SAMD11: variants seen among roughly 807,000 people sequenced by gnomAD.
The protein encoded by SAMD11 is sterile alpha motif domain containing 11.
Under a neutral mutation model 64.4 loss-of-function variants are expected in SAMD11, and 77 were observed. The ratio of observed to expected loss-of-function variants is 1.20; its 90% CI spans 0.99 to 1.44. The LOEUF is 1.44. SAMD11 is among the 40% of genes most tolerant of loss of function. The probability of loss-of-function intolerance (pLI) is 0.00; values close to 1 mark genes in which losing one functional copy is unlikely to be tolerated. For missense variants in SAMD11, 1,402 were observed against 943.3 expected (o/e 1.49, Z -6.37); for synonymous variants, 658 against 421.9 (o/e 1.56, Z -6.86).
chr1:931,786 G>A (rs541236246), intron 4 of SAMD11, among the ~76,000 whole-genome samples: 1 of 152,254 alleles, frequency 6.6e-6, no homozygotes, highest in African/African-American at 2.4e-5. Context: ...GTGATTCCAG[G>A]ATGTGGAAAG....
chr1:943,625 C>G (rs1569923216), intron 12 of SAMD11, 73 bp from the exon 13 acceptor site: 10 of 1,421,104 alleles, frequency 7.0e-6, no homozygotes, highest in Non-Finnish European at 8.4e-6. Flanking sequence ...GCACAAACAG[C>G]TCCTCTTGGC....
intron 9 of SAMD11, 38 bp from the exon 10 acceptor site, chr1:942,372 C>T: frequency 7.9e-7 from 1 of 1,264,384 alleles, no homozygotes; most frequent in South Asian, 1.5e-5. Context: ...CGGACCGCCT[C>T]GGACCCCCCG....
Position 939,071 on chromosome 1 carries a change from C to T in SAMD11, c.999C>T (p.Ser333=), listed in dbSNP as rs558594494. ...GDLLGKRLGR[S]PRISSDCFSE... ...TGTTGGGCAAGAGGCTGGGCCGCTC[C>T]CCCCGTATCAGCAGCGACTGCTTTT... Residue 333 remains serine (S), a synonymous_variant, in exon 6 of 14, where the codon TCC becomes TCT. Coordinates refer to ENST00000616016, the MANE Select transcript of SAMD11 (RefSeq NM_001385641.1). 1 of 1,605,852 alleles carries T rather than the reference C, an allele frequency of 6.2e-7. No homozygotes were observed. Among genetic ancestry groups the T allele is most frequent in the African/African-American group, 1.3e-5 (1 of 74,962 alleles).
Position 942,910 on chromosome 1 carries a change from G to A in SAMD11, c.1905G>A (p.Glu635=). 1 of 1,556,148 alleles carries A rather than the reference G, an allele frequency of 6.4e-7. No individual in the cohort carries two copies. The highest frequency in any genetic ancestry group is 1.2e-5 in the South Asian group (1 of 84,596). The part of the protein sequence containing the change: ...EDEPPKDSDG[E]DPETAAVGCR... The stretch of plus-strand genomic sequence containing the variant: ...AGCCCCCCAAAGACTCGGACGGAGA[G>A]GACCCCGAGACGGCAGCTGTTGGGT... The change falls in exon 11 of 14, where the codon GAG becomes GAA. Residue 635 remains glutamate, a synonymous_variant. Transcript: ENST00000616016.
chr1:943,862 C>T (rs761080500), intron 13 of SAMD11, 46 bp from the exon 14 acceptor site: 2 of 1,612,996 alleles, frequency 1.2e-6, no homozygotes, highest in Non-Finnish European at 1.7e-6. Flanking sequence ...GGGCAGAAAG[C>T]TCTGGGTGGG....
chr1:940,887 C>T (rs1191162733), intron 7 of SAMD11, among the ~76,000 whole-genome samples: 1 of 152,224 alleles, frequency 6.6e-6, no homozygotes, highest in Non-Finnish European at 1.5e-5. Flanking sequence ...TCAGCCGCCT[C>T]TCAGGCCGGA....
intron 2 of SAMD11, among the ~76,000 whole-genome samples, chr1:927,079 A>G (rs543017339): frequency 1.4e-3 from 213 of 152,256 alleles, no homozygotes; most frequent in African/African-American, 4.9e-3. Flanking sequence ...GGGCAGGGGA[A>G]GGGGACACAG....
chr1:941,344 G>A (rs1351120666), intron 8 of SAMD11, 38 bp downstream of exon 8: 1 of 1,488,172 alleles, frequency 6.7e-7, no homozygotes, highest in Non-Finnish European at 8.9e-7. Flanking sequence ...TGTTTCTGGG[G>A]TGCCGCCCGC....
At position 942,416 on chromosome 1, in the gene SAMD11, G is replaced by A; in HGVS notation, c.1481G>A (p.Gly494Asp). 1.3e-6 allele frequency: 2 copies of A among 1,482,630 alleles called. No individual in the cohort carries two copies. The highest frequency in any genetic ancestry group is 1.8e-6 in the Non-Finnish European group (2 of 1,122,720). The allele number at this position is 1,482,630 out of a possible 1,614,324, so 91.8% of individuals were successfully genotyped here. ...PSALCQTPGY[G>D]FLPPAQAEMF... ...TTGTCCCCCTCCCCACCAGGCTACG[G>A]CTTCCTGCCCCCCGCGCAGGCGGAG... is the stretch of plus-strand genomic sequence containing the variant. Residue 494 changes from glycine (G) to aspartate (D), a missense_variant, in exon 10 of 14, where the codon GGC (glycine) becomes GAC (aspartate). Coordinates refer to ENST00000616016, the MANE Select transcript of SAMD11 (RefSeq NM_001385641.1).
chr1:942,748 C>T lies in SAMD11; in HGVS notation c.1743C>T (p.Ser581=), dbSNP rs1265077921. ...TGCCCCCCCAGGGGCCCCCGGGCTC[C>T]GGACCCCCCACCCCGTCCCGGGACT... is the stretch of plus-strand genomic sequence containing the variant. The part of the protein sequence containing the change: ...LALPPQGPPG[S]GPPTPSRDSA... The change falls in exon 11 of 14, where the codon TCC becomes TCT. Residue 581 remains serine, a synonymous_variant. Coordinates refer to ENST00000616016, the MANE Select transcript of SAMD11 (RefSeq NM_001385641.1). The T allele has an allele frequency of 1.2e-5, 18 of 1,494,340 alleles. No individual in the cohort carries two copies. The East Asian group carries it at 4.3e-4, about 36-fold the overall frequency. 92.6% of individuals were successfully genotyped at this position (1,494,340 alleles called of 1,614,324 possible). A position where few individuals can be genotyped will look rare whatever the true frequency, so the allele number is the denominator to read the frequency against.
chr1:929,579 G>A (rs1338274964), intron 2 of SAMD11, among the ~76,000 whole-genome samples: 1 of 152,248 alleles, frequency 6.6e-6, no homozygotes, highest in Non-Finnish European at 1.5e-5. Flanking sequence ...GTGGTGGGCA[G>A]AAGGGTCACA....
chr1:938,612 G>A (rs759997139), intron 5 of SAMD11, among the ~76,000 whole-genome samples: 6 of 152,316 alleles, frequency 3.9e-5, no homozygotes, highest in East Asian at 1.9e-4. Flanking sequence ...GGTCCTTCCC[G>A]GCTTGTCTCA....
chr1:941,741 G>A (rs1056640698), intron 8 of SAMD11, among the ~76,000 whole-genome samples: 21 of 152,164 alleles, frequency 1.4e-4, no homozygotes, highest in Non-Finnish European at 2.5e-4. Flanking sequence ...GGGGCGCCTG[G>A]AGAAGGGAGG....
chr1:941,132 TC>T lies in SAMD11; in HGVS notation c.1196-7del, dbSNP rs1267923086. ...ATAGCCGGGGGGATCACTGCTGTTGTCCCCCACCCAGATCTCCTGAGGGTCC... is the reference window on the plus strand; with the variant it reads ...ATAGCCGGGGGGATCACTGCTGTTGTCCCCACCCAGATCTCCTGAGGGTCC... On this transcript the variant is annotated splice_polypyrimidine_tract_variant and intron_variant, in intron 7 of 13. Coordinates refer to ENST00000616016, the MANE Select transcript of SAMD11 (RefSeq NM_001385641.1). The T allele has an allele frequency of 1.3e-6, 2 of 1,589,592 alleles. No homozygotes were observed. The highest frequency in any genetic ancestry group is 4.6e-5 in the East Asian group (2 of 43,502).
chr1:937,598 C>G (rs1022645941), intron 5 of SAMD11, among the ~76,000 whole-genome samples: 1 of 150,614 alleles, frequency 6.6e-6, no homozygotes, highest in Admixed American at 6.6e-5. Context: ...TGGCCCACCC[C>G]CTCCCAGCCC....
rs755417621 is a variant in SAMD11, at chr1:943,363, G to C, written c.2164G>C (p.Gly722Arg). The C allele has an allele frequency of 1.8e-4, 286 of 1,574,108 alleles. No homozygotes were observed. The highest frequency in any genetic ancestry group is 2.4e-4 in the Non-Finnish European group (281 of 1,158,466). ...CSFVGGLSGC[G>R]EYTRVFREQG... ...CTTCGTGGGGGGCCTGTCTGGCTGTGGAGAGTACACTCGGGTAAGGGGGGG... is the reference window on the plus strand; with the variant it reads ...CTTCGTGGGGGGCCTGTCTGGCTGTCGAGAGTACACTCGGGTAAGGGGGGG... The change falls in exon 12 of 14, where the codon GGA (glycine) becomes CGA (arginine). Residue 722 changes from glycine to arginine, a missense_variant. By Grantham distance (125) the Gly-to-Arg change is moderately radical. Transcript: ENST00000616016.
chr1:925,249 C>A (rs1438709245), intron 1 of SAMD11: 1 of 152,250 alleles, frequency 6.6e-6, no homozygotes, highest in Non-Finnish European at 1.5e-5. Flanking sequence ...CTCGAGAGAG[C>A]GGGCAGGAGG....
At chr1:930,756 G>A (rs113643947) in intron 3 of SAMD11, among the ~76,000 whole-genome samples, 14 of 152,358 alleles carry the variant, frequency 9.2e-5, no homozygotes, top group African/African-American at 2.9e-4. Flanking sequence ...CTGAGTGCAC[G>A]GCAACAAGCA....
At position 942,139 on chromosome 1, in the gene SAMD11, G is replaced by C. The variant is rs1459331580; in HGVS notation, c.1362G>C (p.Glu454Asp). Residue 454 changes from glutamate (E) to aspartate (D), a missense_variant, in exon 9 of 14, where the codon GAG (glutamate) becomes GAC (aspartate). Physicochemically the swap from Glu to Asp is conservative, Grantham distance 45. Transcript: ENST00000616016. ...CTCATTGCGCTGCCGTCCACAGGGA[G>C]CTGCCTCAGCCGCCCCCCTTGCTGT... ...PAAAPSFSER[E>D]LPQPPPLLSP... is the part of the protein sequence containing the mutation. The C allele has an allele frequency of 7.4e-7, 1 of 1,352,198 alleles. No individual in the cohort carries two copies. Among genetic ancestry groups the C allele is most frequent in the East Asian group, 2.9e-5 (1 of 34,854 alleles). 83.8% of individuals were successfully genotyped at this position (1,352,198 alleles called of 1,614,324 possible).
Sources: allele counts gnomAD v4.1 joint callset (sites outside exome capture counted in the v4.1 genomes callset), GRCh38; gene constraint gnomAD v4.1.1; transcripts MANE v1.5; gene names NCBI Gene and HGNC (gene_info 2026-07-23, HGNC 2026-07-21).